The following C8orf34 variants were observed in gnomAD, a reference collection of about 807,000 sequenced individuals.
C8orf34 encodes uncharacterized protein C8orf34.
A neutral mutation model predicts 68.3 loss-of-function variants in C8orf34; 65 were observed. The ratio of observed to expected loss-of-function variants is 0.95; its 90% CI spans 0.78 to 1.17. The LOEUF is 1.17. Ranked by LOEUF, C8orf34 falls within the 50% of genes most tolerant of loss-of-function variation. The probability of loss-of-function intolerance (pLI) is 0.00; values close to 1 mark genes in which losing one functional copy is unlikely to be tolerated. For synonymous variants in C8orf34, 244 were observed against 241.2 expected (o/e 1.01, Z -0.11); for missense variants, 664 against 655.4 (o/e 1.01, Z -0.14).
intron 10 of C8orf34, among the ~76,000 whole-genome samples, chr8:68,765,145 T>C (rs1401997168): frequency 6.6e-6 from 1 of 152,252 alleles, no homozygotes; most frequent in Non-Finnish European, 1.5e-5. Flanking sequence ...GATTTGTCCT[T>C]GTCCTCATTG....
intron 7 of C8orf34, among the ~76,000 whole-genome samples, chr8:68,567,531 G>A (rs1439062906): frequency 7.9e-6 from 1 of 126,228 alleles, no homozygotes; most frequent in Non-Finnish European, 1.7e-5. Flanking sequence ...GGTTAATCTT[G>A]CTAATGATGT....
Position 68,596,434 on chromosome 8 carries a change from T to C in C8orf34, c.1106-43942T>C, listed in dbSNP as rs571767399. On this transcript the variant is annotated intron_variant, in intron 7 of 13. Coordinates refer to ENST00000518698, the MANE Select transcript of C8orf34 (RefSeq NM_052958.4). The stretch of plus-strand genomic sequence containing the variant: ...ATGCATATATGGGTGTCAAGAACTA[T>C]GAACAGTATGAGATTTTTACTCTAC... Among the ~76,000 whole-genome samples the C allele has an allele frequency of 4.6e-5, 7 of 152,292 alleles. 1 individual carries two copies. The South Asian group carries it at 1.2e-3, about 27-fold the overall frequency.
At position 68,419,994 on chromosome 8, in the gene C8orf34, GAAAA is replaced by G. The variant is rs1339286612; in HGVS notation, c.328-19502_328-19499del. Among the ~76,000 whole-genome samples the G allele has an allele frequency of 2.9e-4, 41 of 143,608 alleles. 1 individual carries two copies. The highest frequency in any genetic ancestry group is 3.6e-3 in the Middle Eastern group (1 of 280). 94.2% of individuals were successfully genotyped at this position (143,608 alleles called of 152,430 possible). A position where few individuals can be genotyped will look rare whatever the true frequency, so the allele number is the denominator to read the frequency against. On this transcript the variant is annotated intron_variant, in intron 1 of 13. Transcript: ENST00000518698. ...AAAGTATAATAATAAAAAAAAAAAA[GAAAA>G]AAGACAAAAAAAAAAGAAAAGAAAT...
At chr8:68,459,425 G>T (rs770322099) in intron 3 of C8orf34, among the ~76,000 whole-genome samples, 2 of 151,986 alleles carry the variant, frequency 1.3e-5, no homozygotes, top group South Asian at 4.2e-4. Context: ...TAGAGATGGG[G>T]TTTCTCCATG....
intron 1 of C8orf34, among the ~76,000 whole-genome samples, chr8:68,364,894 T>C (rs537599481): frequency 1.3e-4 from 19 of 151,652 alleles, no homozygotes; most frequent in Admixed American, 3.9e-4. Context: ...ATAACTAAAA[T>C]CAGAGAAGAA....
intron 7 of C8orf34, among the ~76,000 whole-genome samples, chr8:68,553,185 A>G (rs573012027): frequency 6.6e-6 from 1 of 152,016 alleles, no homozygotes; most frequent in African/African-American, 2.4e-5. Flanking sequence ...GGAGATCGAG[A>G]CCGTCCTGGC....
chr8:68,765,454 GT>G, intron 10 of C8orf34, among the ~76,000 whole-genome samples: 1 of 152,318 alleles, frequency 6.6e-6, no homozygotes, highest in East Asian at 1.9e-4. Context: ...CAGGTGGTGA[GT>G]TTGGACCCAC....
At chr8:68,345,620 T>C (rs1273353696) in intron 1 of C8orf34, among the ~76,000 whole-genome samples, 3 of 151,992 alleles carry the variant, frequency 2.0e-5, no homozygotes, top group South Asian at 4.2e-4. Flanking sequence ...ACCTATCAAA[T>C]TGGTAGAGCA....
intron 7 of C8orf34, among the ~76,000 whole-genome samples, chr8:68,575,791 T>C (rs1009772704): frequency 1.3e-5 from 2 of 151,972 alleles, no homozygotes; most frequent in Non-Finnish European, 2.9e-5. Flanking sequence ...TTCAGTAGCA[T>C]ATCATTTTTG....
chr8:68,598,792 T>A (rs1817618284), intron 7 of C8orf34, among the ~76,000 whole-genome samples: 1 of 152,110 alleles, frequency 6.6e-6, no homozygotes, highest in African/African-American at 2.4e-5. Context: ...ATTTGTAAGA[T>A]GTTAACTTAA....
At chr8:68,372,161 T>C (rs994064581) in intron 1 of C8orf34, among the ~76,000 whole-genome samples, 2 of 152,218 alleles carry the variant, frequency 1.3e-5, no homozygotes, top group Non-Finnish European at 2.9e-5. Context: ...TGATCCTAAA[T>C]ACTTTATCAA....
chr8:68,331,293 G>A lies in C8orf34; in HGVS notation c.281G>A (p.Arg94Gln), dbSNP rs1449058604. The A allele has an allele frequency of 1.8e-5, 27 of 1,536,336 alleles. No homozygotes were observed. The highest frequency in any genetic ancestry group is 2.4e-5 in the Non-Finnish European group (27 of 1,146,972). ...LFPMASHPQT[R>Q]IQAYLEKNKI... ...CCCATGGCGTCTCATCCGCAAACCC[G>A]GATCCAGGCTTACCTGGAGAAGAAC... Residue 94 changes from arginine (R) to glutamine (Q), a missense_variant, in exon 1 of 14, where the codon CGG becomes CAG. Arg to Gln is a conservative substitution (Grantham distance 43). Transcript: ENST00000518698.
chr8:68,505,603 C>T (rs1168307708), intron 5 of C8orf34, among the ~76,000 whole-genome samples: 2 of 133,106 alleles, frequency 1.5e-5, no homozygotes, highest in Non-Finnish European at 3.0e-5. Flanking sequence ...CGGTGGCGGG[C>T]GCCTGTAGTC....
At chr8:68,374,984 A>G (rs1401324735) in intron 1 of C8orf34, among the ~76,000 whole-genome samples, 1 of 152,214 alleles carries the variant, frequency 6.6e-6, no homozygotes, top group Non-Finnish European at 1.5e-5. Context: ...ATAAGATGGC[A>G]ATAAATGGTA....
chr8:68,435,601 GT>G (rs1280904898), intron 1 of C8orf34, among the ~76,000 whole-genome samples: 2 of 152,162 alleles, frequency 1.3e-5, no homozygotes, highest in Non-Finnish European at 2.9e-5. Context: ...TCTCTCATCT[GT>G]TCTCACATCT....
intron 1 of C8orf34, among the ~76,000 whole-genome samples, chr8:68,398,776 C>A (rs73260734): frequency 0.011 from 1,649 of 152,210 alleles, 26 homozygotes; most frequent in African/African-American, 0.038. Context: ...GATATTCATG[C>A]TATATTTGGA....
In C8orf34 at chr8:68,360,235, A is replaced by T. The variant is rs374475611; in HGVS notation, c.327+28896A>T. 7.2e-5 allele frequency among the ~76,000 whole-genome samples: 11 copies of T among 152,296 alleles called. No individual in the cohort carries two copies. In the East Asian group the frequency reaches 9.7e-4, roughly 13 times the overall value. On this transcript the variant is annotated intron_variant, in intron 1 of 13. Coordinates refer to ENST00000518698, the MANE Select transcript of C8orf34 (RefSeq NM_052958.4). ...TTGCTTTTCTCGTCTTTGCCAAATT[A>T]GTCCTGACACTCAACCAACCCCATG...
chr8:68,597,977 A>G (rs1817595451), intron 7 of C8orf34, among the ~76,000 whole-genome samples: 1 of 152,190 alleles, frequency 6.6e-6, no homozygotes, highest in Non-Finnish European at 1.5e-5. Context: ...ACATTCAAGA[A>G]CATTAATATT....
At chr8:68,435,035 G>A (rs1373756889) in intron 1 of C8orf34, among the ~76,000 whole-genome samples, 1 of 147,938 alleles carries the variant, frequency 6.8e-6, no homozygotes, top group Non-Finnish European at 1.5e-5. Context: ...GGGTGACAGA[G>A]CGAGACTCCA....
Sources: allele counts gnomAD v4.1 joint callset (sites outside exome capture counted in the v4.1 genomes callset), GRCh38; gene constraint gnomAD v4.1.1; transcripts MANE v1.5; gene names NCBI Gene and HGNC (gene_info 2026-07-23, HGNC 2026-07-21).